PLEKHO2: variants seen among roughly 807,000 people sequenced by gnomAD.
The protein encoded by PLEKHO2 is pleckstrin homology domain-containing family O member 2.
PLEKHO2 carries 20 observed loss-of-function variants against 32.7 expected under a neutral mutation model. The observed-to-expected ratio is 0.61, with a 90% CI of 0.43 to 0.89. The LOEUF is 0.89. Ranked by LOEUF, PLEKHO2 falls within the 40% of genes least tolerant of loss-of-function variation. The pLI, the probability that PLEKHO2 is intolerant of heterozygous loss-of-function variation, is 0.00. For synonymous variants in PLEKHO2, 247 were observed against 246.3 expected, an observed-to-expected ratio of 1.00 and a Z score of -0.03; for missense variants, 568 against 621.2, an observed-to-expected ratio of 0.91 and a Z score of 0.91.
chr15:64,848,878 A>T (rs2084543909), intron 2 of PLEKHO2, 136 bp downstream of exon 2: 3 of 1,011,102 alleles, frequency 3.0e-6, no homozygotes, highest in South Asian at 1.5e-5. Context: ...ACCTTGAGCG[A>T]GTACCTAATC....
At chr15:64,863,825 C>T (rs1044038139) in intron 5 of PLEKHO2, among the ~76,000 whole-genome samples, 2 of 151,106 alleles carry the variant, frequency 1.3e-5, no homozygotes, top group East Asian at 2.0e-4. Context: ...CTCACTGCAA[C>T]CTCCGCTTCC....
Position 64,866,044 on chromosome 15 carries a change from C to A in PLEKHO2, c.*156C>A. The A allele has an allele frequency of 5.0e-6, 5 of 990,532 alleles. No homozygotes were observed. The highest frequency in any genetic ancestry group is 3.4e-5 in the South Asian group (2 of 58,470). 61.4% of individuals were successfully genotyped at this position (990,532 alleles called of 1,614,324 possible). On this transcript the variant is annotated 3_prime_UTR_variant, in exon 6 of 6. Coordinates refer to ENST00000323544, the MANE Select transcript of PLEKHO2 (RefSeq NM_025201.5). ...GGCCATGACCCGAAGAGACTCCTGG[C>A]GTCCTTCCTACTCTGCTCTGGCCAG...
rs1225554531 is a variant in PLEKHO2 at position 64,866,661 on chromosome 15, C to G, written c.*773C>G. On this transcript the variant is annotated 3_prime_UTR_variant, in exon 6 of 6. Coordinates refer to ENST00000323544, the MANE Select transcript of PLEKHO2 (RefSeq NM_025201.5). ...GGGGTCCCCTAGTCTAGTCTCTGCC[C>G]CTGGATAGTGTCCAGCCTTGTATAT... 7 of 293,776 alleles carry G rather than the reference C, an allele frequency of 2.4e-5. No individual in the cohort carries two copies. The highest frequency in any genetic ancestry group is 1.5e-4 in the African/African-American group (7 of 45,426). 18.2% of individuals were successfully genotyped at this position (293,776 alleles called of 1,614,324 possible).
intron 3 of PLEKHO2, among the ~76,000 whole-genome samples, chr15:64,855,545 C>T (rs1299109678): frequency 6.6e-6 from 1 of 152,258 alleles, no homozygotes; most frequent in African/African-American, 2.4e-5. Context: ...CCCAGCTTTC[C>T]TCCCCTTGCA....
Position 64,851,261 on chromosome 15 carries a change from C to T in PLEKHO2, c.162+2519C>T, listed in dbSNP as rs559120423. ...TGAGGCAGCAGGGGGACCTTTTTTC[C>T]AATAAAGGGGGTTGTCACAGCTTCT... On this transcript the variant is annotated intron_variant, in intron 2 of 5. Transcript: ENST00000323544. 2.0e-5 allele frequency among the ~76,000 whole-genome samples: 3 copies of T among 152,126 alleles called. No homozygotes were observed. The South Asian group carries it at 6.2e-4, about 32-fold the overall frequency.
At chr15:64,855,937 A>G (rs1163238217) in intron 3 of PLEKHO2, among the ~76,000 whole-genome samples, 1 of 150,508 alleles carries the variant, frequency 6.6e-6, no homozygotes, top group Non-Finnish European at 1.5e-5. Context: ...AGTCCTCTGC[A>G]GACCCTGAAG....
At chr15:64,862,929 C>T (rs562302016) in intron 5 of PLEKHO2, among the ~76,000 whole-genome samples, 2 of 148,508 alleles carry the variant, frequency 1.3e-5, no homozygotes, top group East Asian at 4.3e-4. Flanking sequence ...CCTCCCCTCT[C>T]CCCCCACCTC....
chr15:64,860,706 G>A (rs1288090208), intron 4 of PLEKHO2, among the ~76,000 whole-genome samples: 1 of 152,226 alleles, frequency 6.6e-6, no homozygotes, highest in Non-Finnish European at 1.5e-5. Flanking sequence ...CTCCTATGTC[G>A]TGTCCTGTGT....
At chr15:64,847,277 G>A (rs933539829) in intron 1 of PLEKHO2, among the ~76,000 whole-genome samples, 2 of 152,206 alleles carry the variant, frequency 1.3e-5, no homozygotes, top group African/African-American at 4.8e-5. Context: ...AAAGGCAGCT[G>A]TGGCCACAGG....
At chr15:64,863,973 C>T (rs1403963164) in intron 5 of PLEKHO2, among the ~76,000 whole-genome samples, 1 of 152,128 alleles carries the variant, frequency 6.6e-6, no homozygotes, top group East Asian at 1.9e-4. Flanking sequence ...AAACTCTCGA[C>T]CTCAGGTGAT....
chr15:64,843,958 C>T (rs1199833723), intron 1 of PLEKHO2, among the ~76,000 whole-genome samples: 1 of 152,180 alleles, frequency 6.6e-6, no homozygotes, highest in African/African-American at 2.4e-5. Flanking sequence ...CCACTTTACC[C>T]AAGCCCCTGC....
intron 3 of PLEKHO2, among the ~76,000 whole-genome samples, chr15:64,855,328 C>A (rs1595830246): frequency 6.6e-6 from 1 of 152,188 alleles, no homozygotes; most frequent in Admixed American, 6.5e-5. Context: ...TGGAAAGTAG[C>A]CTTTGGGAGG....
chr15:64,854,728 G>C (rs550637936), intron 2 of PLEKHO2, among the ~76,000 whole-genome samples, 193 bp from the exon 3 acceptor site: 3 of 152,322 alleles, frequency 2.0e-5, no homozygotes, highest in African/African-American at 7.2e-5. Context: ...GAGCCTTGTG[G>C]GCATCCCTCC....
intron 2 of PLEKHO2, among the ~76,000 whole-genome samples, chr15:64,850,819 T>C (rs899056766): frequency 6.6e-6 from 1 of 152,250 alleles, no homozygotes; most frequent in Non-Finnish European, 1.5e-5. Flanking sequence ...AAAGTGGTTT[T>C]TACTTGTAGA....
At chr15:64,852,117 A>C (rs1267340038) in intron 2 of PLEKHO2, among the ~76,000 whole-genome samples, 1 of 152,176 alleles carries the variant, frequency 6.6e-6, no homozygotes, top group African/African-American at 2.4e-5. Flanking sequence ...GTGTTTTCCC[A>C]TGGCAGGACT....
chr15:64,846,642 C>T (rs529454607), intron 1 of PLEKHO2, among the ~76,000 whole-genome samples: 1 of 152,266 alleles, frequency 6.6e-6, no homozygotes, highest in South Asian at 2.1e-4. Context: ...TTTGGACCAC[C>T]CCACTTCCCC....
intron 2 of PLEKHO2, 32 bp from the exon 3 acceptor site, chr15:64,854,889 C>G: frequency 6.4e-7 from 1 of 1,559,446 alleles, no homozygotes; most frequent in Non-Finnish European, 8.8e-7. Context: ...CTGACTGTCA[C>G]CAGCTCATGT....
rs762075108 is a variant in PLEKHO2, at chr15:64,861,547, G to T, written c.455G>T (p.Arg152Leu). 2.0e-5 allele frequency: 32 copies of T among 1,606,750 alleles called. No individual in the cohort carries two copies. Residue 152 changes from arginine (R) to leucine (L), a missense_variant, in exon 5 of 6, where the codon CGG becomes CTG. Arg to Leu is a moderately radical substitution (Grantham distance 102). Coordinates refer to ENST00000323544, the MANE Select transcript of PLEKHO2 (RefSeq NM_025201.5). ...RDRVRGGQRR[R>L]PPTRVHLKEV... ...CGGGTGCGAGGGGGCCAGCGACGCC[G>T]GCCACCAACGAGAGTCCACCTGAAG... is the stretch of plus-strand genomic sequence containing the variant.
intron 3 of PLEKHO2, among the ~76,000 whole-genome samples, chr15:64,855,862 C>T (rs1434575927): frequency 6.6e-6 from 1 of 152,184 alleles, no homozygotes; most frequent in African/African-American, 2.4e-5. Context: ...AGTTGGGGAG[C>T]AAGTCTGGTC....
Sources: gnomAD v4.1 joint callset for allele counts (sites outside exome capture counted in the v4.1 genomes callset) on GRCh38, gnomAD v4.1.1 for gene constraint, MANE v1.5 for transcripts, NCBI Gene and HGNC (gene_info 2026-07-23, HGNC 2026-07-21) for gene names.